MFAP4: variants seen among roughly 807,000 people sequenced by gnomAD.
MFAP4 encodes the protein microfibril-associated glycoprotein 4.
Under a neutral mutation model 32.4 loss-of-function variants are expected in MFAP4, and 20 were observed. The observed-to-expected ratio is 0.62, with a 90% CI of 0.43 to 0.90. The LOEUF (loss-of-function observed/expected upper bound fraction) is 0.90, where lower values mean the gene tolerates loss of function less well. Ranked by LOEUF, MFAP4 falls within the 40% of genes least tolerant of loss-of-function variation. The probability of loss-of-function intolerance (pLI) is 0.00; values close to 1 mark genes in which losing one functional copy is unlikely to be tolerated. For missense variants in MFAP4, 267 were observed against 329.5 expected, an observed-to-expected ratio of 0.81 and a Z score of 1.47; for synonymous variants, 146 against 137.4, an observed-to-expected ratio of 1.06 and a Z score of -0.44.
Position 19,387,188 on chromosome 17 carries a change from T to C in MFAP4, c.-33A>G. 6.7e-7 allele frequency: 1 copy of C among 1,502,544 alleles called. No homozygotes were observed. The highest frequency in any genetic ancestry group is 9.3e-7 in the Non-Finnish European group (1 of 1,080,794). The allele number at this position is 1,502,544 out of a possible 1,614,324, so 93.1% of individuals were successfully genotyped here. ...GTTCTGCTCAGAGTGGCTGGGTGTC[T>C]GCGGCCCCAGACTGCAACCGCCCAG... On this transcript the variant is annotated 5_prime_UTR_variant, in exon 1 of 6. Transcript: ENST00000299610.
At chr17:19,386,972 T>TGGCGGGGCGCCCCCCCCCCC in intron 1 of MFAP4, 134 bp from the exon 2 acceptor site, 1 of 937,014 alleles carries the variant, frequency 1.1e-6, no homozygotes, top group African/African-American at 1.7e-5. Context: ...TGGCCCCTCT[T>TGGCGGGGCGCCCCCCCCCCC]CCCTGCCCCC....
intron 1 of MFAP4, 139 bp from the exon 2 acceptor site, chr17:19,386,977 G>GACCCC: frequency 1.5e-6 from 1 of 689,460 alleles, no homozygotes; most frequent in Admixed American, 3.1e-5. Flanking sequence ...CCTCTTCCCT[G>GACCCC]CCCCCCCACC....
Position 19,385,279 on chromosome 17 carries a change from G to T in MFAP4, c.340C>A (p.Leu114Met). ...AGTGTCAGGAGGTGCATGTTCTGCAGCCCTGGGGAGGAGGGGCAGCTGGTC... is the reference window on the plus strand; with the variant it reads ...AGTGTCAGGAGGTGCATGTTCTGCATCCCTGGGGAGGAGGGGCAGCTGGTC... Reference protein sequence around the residue: ...GRADGEYWLGLQNMHLLTLKQ... With the variant: ...GRADGEYWLGMQNMHLLTLKQ... Residue 114 changes from leucine (L) to methionine (M), a missense_variant and splice_region_variant, in exon 5 of 6, where the codon CTG (leucine) becomes ATG (methionine). Leu to Met is a conservative substitution (Grantham distance 15, BLOSUM62 2). This residue lies in a region of MFAP4 where 223 missense variants were observed against 253.3 expected (regional missense o/e 0.88). Coordinates refer to ENST00000299610, the MANE Select transcript of MFAP4 (RefSeq NM_002404.3). 1 of 1,614,252 alleles carries T rather than the reference G, an allele frequency of 6.2e-7. No individual in the cohort carries two copies. The highest frequency in any genetic ancestry group is 8.5e-7 in the Non-Finnish European group (1 of 1,180,028).
chr17:19,386,734 G>C (rs747268651), intron 2 of MFAP4, 26 bp downstream of exon 2: 1 of 1,556,922 alleles, frequency 6.4e-7, no homozygotes, highest in Admixed American at 1.9e-5. Context: ...GGGCCAGGCC[G>C]CGTCTGTGAG....
In MFAP4 at chr17:19,384,679, T is replaced by C. The variant is rs1912956646; in HGVS notation, c.551A>G (p.Lys184Arg). 6.2e-7 allele frequency: 1 copy of C among 1,614,000 alleles called. No individual in the cohort carries two copies. Among genetic ancestry groups the C allele is most frequent in the South Asian group, 1.1e-5 (1 of 91,086 alleles). ...GDSLSYHSGQ[K>R]FSTFDRDQDL... ...CTGGTCCCGGTCGAAGGTAGAGAAC[T>C]TCTGGCCACTGTGGTAGGACAGGGA... Residue 184 changes from lysine to arginine, a missense_variant, in exon 6 of 6, where the codon AAG becomes AGG. Around this residue, in one of 3 missense-constraint regions of MFAP4, gnomAD observed 223 missense variants for 253.3 expected, o/e 0.88. Coordinates refer to ENST00000299610, the MANE Select transcript of MFAP4 (RefSeq NM_002404.3).
rs1023665092 is a variant in MFAP4 at position 19,384,401 on chromosome 17, G to T, written c.*61C>A. 5.3e-6 allele frequency: 8 copies of T among 1,517,574 alleles called. No homozygotes were observed. The African/African-American group carries it at 9.7e-5, about 18-fold the overall frequency. 94.0% of individuals were successfully genotyped at this position (1,517,574 alleles called of 1,614,324 possible). A position where few individuals can be genotyped will look rare whatever the true frequency, so the allele number is the denominator to read the frequency against. ...GAAGCATGCATCAGGGGCAGCAGAG[G>T]GAGCACTCATGGAGACCATGGGTGT... On this transcript the variant is annotated 3_prime_UTR_variant, in exon 6 of 6. Transcript: ENST00000299610.
In MFAP4 at chr17:19,386,358, C is replaced by T. The variant is rs757875255; in HGVS notation, c.192G>A (p.Val64=). Residue 64 remains valine, a synonymous_variant, in exon 3 of 6, where the codon GTG becomes GTA. Coordinates refer to ENST00000299610, the MANE Select transcript of MFAP4 (RefSeq NM_002404.3). ...TCATGTCACAGAAGACGGGCACAGG[C>T]ACACTGGGGCCCGAGGGGTAGATGA... ...VYLIYPSGPS[V]PVPVFCDMTT... The T allele has an allele frequency of 1.2e-6, 2 of 1,613,544 alleles. No individual in the cohort carries two copies. Among genetic ancestry groups the T allele is most frequent in the Non-Finnish European group, 1.7e-6 (2 of 1,179,820 alleles).
At chr17:19,384,817 G>A in intron 5 of MFAP4, 108 bp from the exon 6 acceptor site, 2 of 1,470,874 alleles carry the variant, frequency 1.4e-6, no homozygotes, top group Non-Finnish European at 9.3e-7. Flanking sequence ...TGGCAGCCTG[G>A]CGGGATGGGG....
rs537360165 is a variant in MFAP4, at chr17:19,384,340, G to T, written c.*122C>A. ...ATGTGGCATGGCTGAGAGCCACAAGGCCCCCTTGTAAGGAGTTGGTGCTCG... is the reference window on the plus strand; with the variant it reads ...ATGTGGCATGGCTGAGAGCCACAAGTCCCCCTTGTAAGGAGTTGGTGCTCG... On this transcript the variant is annotated 3_prime_UTR_variant, in exon 6 of 6. Coordinates refer to ENST00000299610, the MANE Select transcript of MFAP4 (RefSeq NM_002404.3). 3.3e-6 allele frequency: 4 copies of T among 1,227,550 alleles called. No individual in the cohort carries two copies. Among genetic ancestry groups the T allele is most frequent in the Admixed American group, 4.9e-5 (2 of 41,146 alleles). The allele number at this position is 1,227,550 out of a possible 1,614,324, so 76.0% of individuals were successfully genotyped here.
In MFAP4 at chr17:19,383,968, C is replaced by T. The variant is rs1355800394; in HGVS notation, c.*494G>A. On this transcript the variant is annotated 3_prime_UTR_variant, in exon 6 of 6. Transcript: ENST00000299610. Reference sequence around the variant, plus strand: ...GGTGGGAGGGATGCTGAAGATGGGACATGGTTTGAGAGCAGCCCAGAGGAG... The same window carrying T: ...GGTGGGAGGGATGCTGAAGATGGGATATGGTTTGAGAGCAGCCCAGAGGAG... 6.2e-6 allele frequency: 1 copy of T among 162,260 alleles called. No homozygotes were observed. Among genetic ancestry groups the T allele is most frequent in the South Asian group, 1.6e-4 (1 of 6,112 alleles). 10.1% of individuals were successfully genotyped at this position (162,260 alleles called of 1,614,324 possible).
rs1353656650 is a variant in MFAP4 at position 19,384,339 on chromosome 17, G to A, written c.*123C>T. On this transcript the variant is annotated 3_prime_UTR_variant, in exon 6 of 6. Transcript: ENST00000299610. ...GATGTGGCATGGCTGAGAGCCACAA[G>A]GCCCCCTTGTAAGGAGTTGGTGCTC... The A allele has an allele frequency of 3.3e-6, 4 of 1,223,462 alleles. No individual in the cohort carries two copies. Among genetic ancestry groups the A allele is most frequent in the Admixed American group, 4.9e-5 (2 of 40,686 alleles). 75.8% of individuals were successfully genotyped at this position (1,223,462 alleles called of 1,614,324 possible).
Position 19,386,755 on chromosome 17 carries a change from C to A in MFAP4, c.85+5G>T. ...GGCCGCGTCTGTGAGTGTGGGGCTG[C>A]TTACCATCTCCTCGGATCCCGGAGA... On this transcript the variant is annotated splice_donor_5th_base_variant and intron_variant, in intron 2 of 5. Transcript: ENST00000299610. The A allele has an allele frequency of 6.4e-7, 1 of 1,568,136 alleles. No individual in the cohort carries two copies. The highest frequency in any genetic ancestry group is 2.4e-5 in the East Asian group (1 of 42,270).
intron 5 of MFAP4, 88 bp downstream of exon 5, chr17:19,385,011 G>T: frequency 6.8e-7 from 1 of 1,461,180 alleles, no homozygotes; most frequent in East Asian, 2.3e-5. Flanking sequence ...TGAAGGAGGG[G>T]CCTGAAGGAG....
Position 19,386,447 on chromosome 17 carries a change from G to A in MFAP4, c.103C>T (p.Leu35Phe), listed in dbSNP as rs988520893. 2 of 1,613,378 alleles carry A rather than the reference G, an allele frequency of 1.2e-6. No individual in the cohort carries two copies. The highest frequency in any genetic ancestry group is 1.7e-6 in the Non-Finnish European group (2 of 1,179,674). ...TCGTCACAGTCCAGGGGTTGCTGAA[G>A]GCAAAACCTCTCCAGAGCTGGGGGT... ...IRGDALERFC[L>F]QQPLDCDDIY... The change falls in exon 3 of 6, where the codon CTT becomes TTT. Residue 35 changes from leucine (L) to phenylalanine (F), a missense_variant. Physicochemically the swap from Leu to Phe is conservative, Grantham distance 22. Coordinates refer to ENST00000299610, the MANE Select transcript of MFAP4 (RefSeq NM_002404.3).
chr17:19,384,672 A>T lies in MFAP4; in HGVS notation c.558T>A (p.Ser186=). Residue 186 remains serine (S), a synonymous_variant, in exon 6 of 6, where the codon TCT becomes TCA. Coordinates refer to ENST00000299610, the MANE Select transcript of MFAP4 (RefSeq NM_002404.3). The part of the protein sequence containing the change: ...SLSYHSGQKF[S]TFDRDQDLFV... The stretch of plus-strand genomic sequence containing the variant: ...AGAGGTCCTGGTCCCGGTCGAAGGT[A>T]GAGAACTTCTGGCCACTGTGGTAGG... 1 of 1,614,146 alleles carries T rather than the reference A, an allele frequency of 6.2e-7. No homozygotes were observed. The highest frequency in any genetic ancestry group is 8.5e-7 in the Non-Finnish European group (1 of 1,179,982).
chr17:19,386,493 G>T, intron 2 of MFAP4, 29 bp from the exon 3 acceptor site: 1 of 1,598,924 alleles, frequency 6.3e-7, no homozygotes, highest in South Asian at 1.1e-5. Context: ...GGACAGTGAG[G>T]AGAGTGGGAC....
chr17:19,385,983 G>T (rs1238374272), intron 3 of MFAP4, among the ~76,000 whole-genome samples: 1 of 152,226 alleles, frequency 6.6e-6, no homozygotes, highest in Non-Finnish European at 1.5e-5. Context: ...GCTGGGCATG[G>T]TGGCACATGC....
intron 2 of MFAP4, 67 bp downstream of exon 2, chr17:19,386,693 T>G (rs1351237284): frequency 6.6e-7 from 1 of 1,514,256 alleles, no homozygotes; most frequent in East Asian, 2.4e-5. Context: ...CAGTCTGTTC[T>G]GACAGTCCAG....
Position 19,384,645 on chromosome 17 carries a change from A to G in MFAP4, c.585T>C (p.Phe195=). The G allele has an allele frequency of 6.2e-7, 1 of 1,614,178 alleles. No individual in the cohort carries two copies. The highest frequency in any genetic ancestry group is 8.5e-7 in the Non-Finnish European group (1 of 1,180,018). The change falls in exon 6 of 6, where the codon TTT becomes TTC. Residue 195 remains phenylalanine (F), a synonymous_variant. Transcript: ENST00000299610. ...FSTFDRDQDL[F]VQNCAALSSG... is the part of the protein sequence containing the mutation. ...AGGAGAGAGCTGCGCAGTTCTGCAC[A>G]AAGAGGTCCTGGTCCCGGTCGAAGG...
Sources: gnomAD v4.1 joint callset for allele counts (sites outside exome capture counted in the v4.1 genomes callset) on GRCh38, gnomAD v4.1.1 for gene constraint, gnomAD v4.1.1 regional missense constraint, MANE v1.5 for transcripts, NCBI Gene and HGNC (gene_info 2026-07-23, HGNC 2026-07-21) for gene names.